Variants in ZFAND4 observed in about 807,000 individuals in gnomAD.
ZFAND4 encodes the protein AN1-type zinc finger protein 4.
In ZFAND4, 43 loss-of-function variants were observed where a neutral mutation model predicts 64.4. That is an observed-to-expected ratio of 0.67 (90% CI 0.52 to 0.86). ZFAND4 has a LOEUF of 0.86. ZFAND4 is among the 40% of genes least tolerant of loss of function. The pLI is 0.00. For synonymous variants in ZFAND4, 296 were observed against 305.7 expected (o/e 0.97, Z 0.33); for missense variants, 929 against 859.8 (o/e 1.08, Z -1.01).
chr10:45,648,090 C>T (rs1381181255), intron 5 of ZFAND4, among the ~76,000 whole-genome samples: 2 of 152,094 alleles, frequency 1.3e-5, no homozygotes, highest in Non-Finnish European at 2.9e-5. Context: ...TATTAGGCAT[C>T]TTAGAGTTTC....
Position 45,617,296 on chromosome 10 carries a change from T to C in ZFAND4, c.2049-725A>G, listed in dbSNP as rs922544820. 2.0e-5 allele frequency among the ~76,000 whole-genome samples: 3 copies of C among 151,718 alleles called. 1 individual carries two copies. The highest frequency in any genetic ancestry group is 4.2e-4 in the South Asian group (2 of 4,804). Reference sequence around the variant, plus strand: ...TTTAAAAATATTTCTAGTAGCAAAATAGGTTGTTTTCATTCGAACCGAATA... The same window carrying C: ...TTTAAAAATATTTCTAGTAGCAAAACAGGTTGTTTTCATTCGAACCGAATA... On this transcript the variant is annotated intron_variant, in intron 9 of 9. Coordinates refer to ENST00000344646, the MANE Select transcript of ZFAND4 (RefSeq NM_174890.4).
intron 8 of ZFAND4, 82 bp from the exon 9 acceptor site, chr10:45,618,342 G>T: frequency 1.3e-6 from 2 of 1,500,026 alleles, no homozygotes; most frequent in Non-Finnish European, 9.0e-7. Context: ...ACAAAACATA[G>T]TCCTATCAAA....
intron 8 of ZFAND4, among the ~76,000 whole-genome samples, chr10:45,620,309 C>T (rs1283529245): frequency 2.0e-5 from 3 of 152,090 alleles, no homozygotes; most frequent in Middle Eastern, 3.2e-3. Context: ...GGTAAAACTC[C>T]GTCTCTACTA....
intron 5 of ZFAND4, among the ~76,000 whole-genome samples, chr10:45,642,589 C>T (rs1419999619): frequency 7.4e-6 from 1 of 135,648 alleles, no homozygotes; most frequent in Non-Finnish European, 1.5e-5. Flanking sequence ...GCCTGGGCGA[C>T]AGAGTGAGAC....
chr10:45,659,993 C>T (rs1286260692), intron 2 of ZFAND4, among the ~76,000 whole-genome samples: 2 of 151,856 alleles, frequency 1.3e-5, no homozygotes, highest in Admixed American at 1.3e-4. Context: ...CTGACTAACA[C>T]GGTGAAACCC....
At chr10:45,666,960 T>G (rs1410087496) in intron 1 of ZFAND4, among the ~76,000 whole-genome samples, 1 of 152,218 alleles carries the variant, frequency 6.6e-6, no homozygotes, top group African/African-American at 2.4e-5. Flanking sequence ...TTTTAGATTG[T>G]TGGCTATTCT....
In ZFAND4 at chr10:45,616,503, C is replaced by T. The variant is rs150483468; in HGVS notation, c.2117G>A (p.Ser706Asn). ...ETHGCTYDYK[S>N]AGRRYLHEAN... ...CTCGTGCAAGTATCTCCTCCCTGCA[C>T]TCTTGTAATCATAGGTACAGCCATG... Residue 706 changes from serine (S) to asparagine (N), a missense_variant, in exon 10 of 10, where the codon AGT becomes AAT. Ser to Asn is a conservative substitution (Grantham distance 46). Transcript: ENST00000344646. 61 of 1,614,074 alleles carry T rather than the reference C, an allele frequency of 3.8e-5. No individual in the cohort carries two copies. The African/African-American group carries it at 7.9e-4, about 21-fold the overall frequency.
At chr10:45,629,447 C>A (rs1054009772) in intron 6 of ZFAND4, among the ~76,000 whole-genome samples, 1 of 151,928 alleles carries the variant, frequency 6.6e-6, no homozygotes, top group East Asian at 1.9e-4. Context: ...GAAAAGGCAA[C>A]CATTGAGACT....
At position 45,648,401 on chromosome 10, in the gene ZFAND4, A is replaced by G. The variant is rs748390013; in HGVS notation, c.462T>C (p.Phe154=). 6.2e-6 allele frequency: 10 copies of G among 1,613,976 alleles called. No individual in the cohort carries two copies. Among genetic ancestry groups the G allele is most frequent in the Admixed American group, 5.0e-5 (3 of 59,994 alleles). The change falls in exon 5 of 10, where the codon TTT becomes TTC. Residue 154 remains phenylalanine, a synonymous_variant. Coordinates refer to ENST00000344646, the MANE Select transcript of ZFAND4 (RefSeq NM_174890.4). ...TGCCATCTCCCCTATCTACTGCAGG[A>G]AAGAAATTCAATTGATCTCCTTCTT... ...VYQEGDQLNF[F]PAVDRGDGTL...
At chr10:45,651,758 C>A (rs1191114420) in intron 4 of ZFAND4, 2 of 612,632 alleles carry the variant, frequency 3.3e-6, no homozygotes, top group Non-Finnish European at 6.1e-6. Flanking sequence ...TGAATTGGAT[C>A]AGGAATCATG....
chr10:45,650,735 G>A (rs1455994239), intron 4 of ZFAND4: 1 of 151,924 alleles, frequency 6.6e-6, no homozygotes, highest in Non-Finnish European at 1.5e-5. Flanking sequence ...TAACATAATG[G>A]TTCAGTAAAC....
intron 5 of ZFAND4, among the ~76,000 whole-genome samples, chr10:45,640,623 TGGGACTACA>T (rs1264144536): frequency 6.6e-6 from 1 of 152,142 alleles, no homozygotes; most frequent in Non-Finnish European, 1.5e-5. Flanking sequence ...CCCAAGTAGC[TGGGACTACA>T]GGTGTGTGCC....
At chr10:45,633,597 T>C (rs2133634744) in intron 6 of ZFAND4, among the ~76,000 whole-genome samples, 1 of 151,762 alleles carries the variant, frequency 6.6e-6, no homozygotes, top group Middle Eastern at 3.4e-3. Flanking sequence ...TCAAAATATA[T>C]TAAAATACTC....
intron 2 of ZFAND4, among the ~76,000 whole-genome samples, chr10:45,656,181 A>G (rs2133815490): frequency 6.6e-6 from 1 of 152,322 alleles, no homozygotes; most frequent in East Asian, 1.9e-4. Context: ...CAGTGAGCTG[A>G]GATCGCACCA....
chr10:45,622,695 T>G (rs1589242884), intron 8 of ZFAND4, among the ~76,000 whole-genome samples: 1 of 152,336 alleles, frequency 6.6e-6, no homozygotes, highest in East Asian at 1.9e-4. Flanking sequence ...ACATGCTAAA[T>G]GTGAAATGTC....
At chr10:45,667,458 CTTTTTTTTTTTTT>C (rs60572011) in intron 1 of ZFAND4, among the ~76,000 whole-genome samples, 6 of 90,626 alleles carry the variant, frequency 6.6e-5, no homozygotes, top group Admixed American at 5.7e-4. Flanking sequence ...TCTTTTCTTT[CTTTTTTTTTTTTT>C]TTTTTTTTTT....
At chr10:45,671,174 G>C (rs1020858725) in intron 1 of ZFAND4, among the ~76,000 whole-genome samples, 1 of 152,188 alleles carries the variant, frequency 6.6e-6, no homozygotes, top group Middle Eastern at 3.2e-3. Flanking sequence ...AGAAAGTTAG[G>C]AAACAACAGA....
At chr10:45,658,959 T>C (rs2048306919) in intron 2 of ZFAND4, among the ~76,000 whole-genome samples, 1 of 152,104 alleles carries the variant, frequency 6.6e-6, no homozygotes, top group African/African-American at 2.4e-5. Flanking sequence ...GTAAGGTAAA[T>C]CACCATAAGA....
At chr10:45,636,770 G>A (rs2046624903) in intron 6 of ZFAND4, among the ~76,000 whole-genome samples, 1 of 152,158 alleles carries the variant, frequency 6.6e-6, no homozygotes, top group Non-Finnish European at 1.5e-5. Context: ...TGTCAGTTGG[G>A]TCAAGTAGGT....
Sources: gnomAD v4.1 joint callset for allele counts (sites outside exome capture counted in the v4.1 genomes callset) on GRCh38, gnomAD v4.1.1 for gene constraint, MANE v1.5 for transcripts, NCBI Gene and HGNC (gene_info 2026-07-23, HGNC 2026-07-21) for gene names.